Variants in FHIT observed in about 807,000 individuals in gnomAD.
FHIT encodes the protein bis(5'-adenosyl)-triphosphatase.
A neutral mutation model predicts 17.9 loss-of-function variants in FHIT; 19 were observed. The observed-to-expected ratio is 1.06, with a 90% CI of 0.74 to 1.56. The LOEUF is 1.56. FHIT is among the 40% of genes most tolerant of loss of function. The probability of loss-of-function intolerance (pLI) is 0.00; values close to 1 mark genes in which losing one functional copy is unlikely to be tolerated. For missense variants in FHIT, 248 were observed against 189.2 expected (o/e 1.31, Z -1.82); for synonymous variants, 81 against 69.7 (o/e 1.16, Z -0.81).
chr3:60,153,969 A>C (rs1700575436), intron 5 of FHIT, among the ~76,000 whole-genome samples: 1 of 152,210 alleles, frequency 6.6e-6, no homozygotes, highest in African/African-American at 2.4e-5. Flanking sequence ...AAAACAAGTA[A>C]ACAAACAAAG....
At chr3:60,194,126 T>C (rs1419013102) in intron 5 of FHIT, among the ~76,000 whole-genome samples, 1 of 152,094 alleles carries the variant, frequency 6.6e-6, no homozygotes, top group African/African-American at 2.4e-5. Context: ...AGAGCCCAAA[T>C]AGCCAAAGAA....
chr3:60,191,669 A>C (rs939476057), intron 5 of FHIT, among the ~76,000 whole-genome samples: 2 of 152,212 alleles, frequency 1.3e-5, no homozygotes, highest in Admixed American at 6.5e-5. Flanking sequence ...ATTTTGGGAA[A>C]GTGAGGACAT....
At chr3:60,005,182 T>A (rs1005599140) in intron 7 of FHIT, among the ~76,000 whole-genome samples, 2 of 152,182 alleles carry the variant, frequency 1.3e-5, no homozygotes. Flanking sequence ...TAGCTGCCTT[T>A]GAGTTTGAAT....
intron 2 of FHIT, among the ~76,000 whole-genome samples, chr3:61,134,957 G>A (rs927969117): frequency 1.5e-4 from 23 of 152,056 alleles, no homozygotes; most frequent in Non-Finnish European, 7.3e-5. Context: ...CCCAGGCCAT[G>A]CAGACTCCCA....
chr3:60,231,815 C>T (rs1303047477), intron 5 of FHIT, among the ~76,000 whole-genome samples: 1 of 152,118 alleles, frequency 6.6e-6, no homozygotes, highest in Admixed American at 6.5e-5. Context: ...CTAGGTATTC[C>T]TGTGAAAGGA....
At chr3:60,627,303 TGG>T (rs2039315749) in intron 4 of FHIT, among the ~76,000 whole-genome samples, 2 of 152,200 alleles carry the variant, frequency 1.3e-5, no homozygotes, top group Non-Finnish European at 2.9e-5. Context: ...CTTTTATTTG[TGG>T]GTAGTTTTTT....
chr3:60,644,978 T>C (rs1351026088), intron 4 of FHIT, among the ~76,000 whole-genome samples: 1 of 152,128 alleles, frequency 6.6e-6, no homozygotes, highest in African/African-American at 2.4e-5. Context: ...GCTGACACTT[T>C]CTCTTTTGAT....
At chr3:60,498,359 G>C (rs72882138) in intron 5 of FHIT, among the ~76,000 whole-genome samples, 2 of 151,980 alleles carry the variant, frequency 1.3e-5, no homozygotes, top group Non-Finnish European at 2.9e-5. Flanking sequence ...CTTCTTTCTG[G>C]AAGTATGTTA....
intron 8 of FHIT, among the ~76,000 whole-genome samples, chr3:59,774,648 G>C (rs1478917678): frequency 6.6e-6 from 1 of 152,096 alleles, no homozygotes; most frequent in Non-Finnish European, 1.5e-5. Context: ...ACACATTTTT[G>C]CTTTAACTTT....
rs142301732 is a variant in FHIT, at chr3:60,921,447, G to T, written c.-110-99436C>A. ...CAGTGCCTTCACTTAAGGAGGGTTC[G>T]AATGGCAATAAAATACTTTTAATTA... On this transcript the variant is annotated intron_variant, in intron 3 of 9. Coordinates refer to ENST00000492590, the MANE Select transcript of FHIT (RefSeq NM_002012.4). Among the ~76,000 whole-genome samples, 7 of 152,222 alleles carry T rather than the reference G, an allele frequency of 4.6e-5. No homozygotes were observed. In the East Asian group the frequency reaches 1.4e-3, roughly 29 times the overall value.
At chr3:60,267,371 A>T in intron 5 of FHIT, among the ~76,000 whole-genome samples, 1 of 152,064 alleles carries the variant, frequency 6.6e-6, no homozygotes, top group East Asian at 1.9e-4. Context: ...TGTAATGAAA[A>T]TTTTCAAATA....
intron 5 of FHIT, among the ~76,000 whole-genome samples, chr3:60,254,397 G>T (rs1027697026): frequency 1.1e-4 from 16 of 152,198 alleles, no homozygotes; most frequent in African/African-American, 3.4e-4. Context: ...CAAATAAAAT[G>T]ATTTTTCCCA....
intron 8 of FHIT, among the ~76,000 whole-genome samples, chr3:59,828,526 T>G (rs529303354): frequency 5.3e-5 from 8 of 152,360 alleles, no homozygotes; most frequent in African/African-American, 1.9e-4. Context: ...TATGGCTATT[T>G]GAAGTTTGCT....
At chr3:59,897,830 G>T (rs918951005) in intron 8 of FHIT, among the ~76,000 whole-genome samples, 16 of 151,382 alleles carry the variant, frequency 1.1e-4, no homozygotes, top group South Asian at 6.3e-4. Context: ...GCAGTGGCGC[G>T]ATCTCGGCTC....
rs1468340997 is a variant in FHIT at position 60,860,815 on chromosome 3, G to T, written c.-110-38804C>A. On this transcript the variant is annotated intron_variant, in intron 3 of 9. Transcript: ENST00000492590. ...ATGATACATATGTACATATATATCAGGTATATATGATACATATGTACATAT... is the reference window on the plus strand; with the variant it reads ...ATGATACATATGTACATATATATCATGTATATATGATACATATGTACATAT... Among the ~76,000 whole-genome samples the T allele has an allele frequency of 1.4e-3, 4 of 2,906 alleles. 1 individual carries two copies. The highest frequency in any genetic ancestry group is 1.5e-3 in the African/African-American group (4 of 2,588). The allele number at this position is 2,906 out of a possible 152,430, so 1.9% of individuals were successfully genotyped here.
chr3:60,509,649 G>C (rs2034869908), intron 5 of FHIT, among the ~76,000 whole-genome samples: 2 of 152,152 alleles, frequency 1.3e-5, no homozygotes, highest in African/African-American at 4.8e-5. Context: ...AGATGACTTG[G>C]AAAGCATGTC....
At chr3:60,628,502 C>A (rs782658894) in intron 4 of FHIT, among the ~76,000 whole-genome samples, 1 of 152,164 alleles carries the variant, frequency 6.6e-6, no homozygotes, top group Non-Finnish European at 1.5e-5. Context: ...GATAATCATT[C>A]TATTGTTTTG....
rs2042041539 is a variant in FHIT, at chr3:60,732,094, T to C, written c.-18+89825A>G. 4.7e-6 allele frequency: 3 copies of C among 642,848 alleles called. No homozygotes were observed. In the East Asian group the frequency reaches 8.9e-5, roughly 19 times the overall value. The allele number at this position is 642,848 out of a possible 1,614,324, so 39.8% of individuals were successfully genotyped here. A position where few individuals can be genotyped will look rare whatever the true frequency, so the allele number is the denominator to read the frequency against. ...CAAATGGGGTGGAGGGGTAGTCTCC[T>C]GAGCTACAGAAGGAATGGTCTGGTG... On this transcript the variant is annotated intron_variant, in intron 4 of 9. Coordinates refer to ENST00000492590, the MANE Select transcript of FHIT (RefSeq NM_002012.4).
chr3:60,821,213 T>C (rs1364037543), intron 4 of FHIT, among the ~76,000 whole-genome samples: 2 of 152,168 alleles, frequency 1.3e-5, no homozygotes, highest in African/African-American at 4.8e-5. Context: ...TGACCTCAAG[T>C]GATCCACCTA....
Sources: gnomAD v4.1 joint callset for allele counts (sites outside exome capture counted in the v4.1 genomes callset) on GRCh38, gnomAD v4.1.1 for gene constraint, MANE v1.5 for transcripts, NCBI Gene and HGNC (gene_info 2026-07-23, HGNC 2026-07-21) for gene names.